Variants in GSE1 observed in about 807,000 individuals in gnomAD.
The protein encoded by GSE1 is Gse1 coiled-coil protein, also known as genetic suppressor element 1.
Under a neutral mutation model 112.6 loss-of-function variants are expected in GSE1, and 32 were observed. That is an observed-to-expected ratio of 0.28 (90% CI 0.21 to 0.38). The LOEUF (loss-of-function observed/expected upper bound fraction) is 0.38, where lower values mean the gene tolerates loss of function less well. GSE1 is among the 10% of genes least tolerant of loss of function. GSE1 has a pLI of 1.00. For missense variants in GSE1, 2,348 were observed against 1,699.2 expected, an observed-to-expected ratio of 1.38 and a Z score of -6.71; for synonymous variants, 1,115 against 735.6, an observed-to-expected ratio of 1.52 and a Z score of -8.35.
chr16:85,641,916 G>T (rs1022703317), intron 2 of GSE1, among the ~76,000 whole-genome samples: 5 of 152,200 alleles, frequency 3.3e-5, no homozygotes, highest in Non-Finnish European at 4.4e-5. Flanking sequence ...CCACAAGTCC[G>T]CCCAGGGCTG....
intron 1 of GSE1, among the ~76,000 whole-genome samples, chr16:85,568,432 C>T (rs1195225936): frequency 2.0e-5 from 3 of 152,194 alleles, no homozygotes; most frequent in African/African-American, 2.4e-5. Context: ...AAGATGGGCC[C>T]CTCACTGGAT....
At chr16:85,320,993 C>T (rs1411021167) in intron 1 of GSE1, among the ~76,000 whole-genome samples, 1 of 152,206 alleles carries the variant, frequency 6.6e-6, no homozygotes, top group Non-Finnish European at 1.5e-5. Context: ...TCTTATTTAG[C>T]GTGGCTTAGT....
At chr16:85,359,011 A>T (rs1193244778) in intron 2 of GSE1, among the ~76,000 whole-genome samples, 2 of 151,664 alleles carry the variant, frequency 1.3e-5, no homozygotes, top group African/African-American at 4.9e-5. Context: ...AGATGTGGGG[A>T]TTAACTCAGC....
chr16:85,498,159 T>C (rs1262789838), intron 2 of GSE1, among the ~76,000 whole-genome samples: 1 of 151,824 alleles, frequency 6.6e-6, no homozygotes, highest in Non-Finnish European at 1.5e-5. Context: ...CAGTGCACAC[T>C]CCCCCGTTTG....
At chr16:85,637,534 C>T (rs1330193027) in intron 2 of GSE1, among the ~76,000 whole-genome samples, 1 of 152,248 alleles carries the variant, frequency 6.6e-6, no homozygotes, top group African/African-American at 2.4e-5. Context: ...GTATTGAGTC[C>T]CCCCTTGATC....
At chr16:85,639,602 C>T (rs1180713630) in intron 2 of GSE1, among the ~76,000 whole-genome samples, 8 of 152,370 alleles carry the variant, frequency 5.3e-5, no homozygotes, top group South Asian at 2.1e-4. Context: ...CCCGAGGGTG[C>T]CCCGGGAACG....
Position 85,613,368 on chromosome 16 carries a change from G to C in GSE1, c.-24G>C, listed in dbSNP as rs899831595. The C allele has an allele frequency of 1.9e-6, 3 of 1,569,828 alleles. No individual in the cohort carries two copies. The African/African-American group carries it at 4.1e-5, about 21-fold the overall frequency. On this transcript the variant is annotated 5_prime_UTR_variant, in exon 1 of 16. Transcript: ENST00000253458. The stretch of plus-strand genomic sequence containing the variant: ...ACGGTGGCTCCAGCATGTATCAGCC[G>C]AGGTGGAGCTGCGGGGCCCTGGCAT...
intron 2 of GSE1, among the ~76,000 whole-genome samples, chr16:85,443,982 C>CT (rs67916368): frequency 0.5 from 38,501 of 76,762 alleles, 11,868 homozygotes; most frequent in Admixed American, 0.54. Flanking sequence ...CAAGGGGGCG[C>CT]TTTTTTTTTT....
intron 1 of GSE1, among the ~76,000 whole-genome samples, chr16:85,590,936 G>C (rs1198365290): frequency 7.0e-6 from 1 of 142,396 alleles, no homozygotes; most frequent in East Asian, 1.9e-4. Flanking sequence ...GACATGCGGT[G>C]GGGGGGACCA....
intron 2 of GSE1, among the ~76,000 whole-genome samples, chr16:85,542,954 G>A (rs995339274): frequency 2.0e-5 from 3 of 152,336 alleles, no homozygotes; most frequent in Non-Finnish European, 2.9e-5. Flanking sequence ...GTAGCCGGGC[G>A]TGGTGGCTCA....
intron 2 of GSE1, among the ~76,000 whole-genome samples, chr16:85,526,874 G>A (rs2052380663): frequency 6.6e-6 from 1 of 152,218 alleles, no homozygotes; most frequent in Non-Finnish European, 1.5e-5. Context: ...AGTGTATAAA[G>A]AACTAAACAT....
chr16:85,288,307 A>G (rs1385177592), intron 1 of GSE1, among the ~76,000 whole-genome samples: 1 of 152,216 alleles, frequency 6.6e-6, no homozygotes, highest in Non-Finnish European at 1.5e-5. Flanking sequence ...TTAAAAAATA[A>G]TTAGAGAGGC....
intron 2 of GSE1, among the ~76,000 whole-genome samples, chr16:85,474,409 G>A (rs1230363696): frequency 1.3e-5 from 2 of 152,134 alleles, no homozygotes; most frequent in Non-Finnish European, 2.9e-5. Flanking sequence ...AGCTGGAGGT[G>A]CACGGAGGGA....
intron 1 of GSE1, among the ~76,000 whole-genome samples, chr16:85,284,483 A>G (rs892323148): frequency 6.6e-6 from 1 of 152,148 alleles, no homozygotes; most frequent in African/African-American, 2.4e-5. Context: ...AAGCGGCACA[A>G]ACTCCCCAGG....
At chr16:85,351,172 A>C (rs1048176754) in intron 1 of GSE1, among the ~76,000 whole-genome samples, 1 of 152,146 alleles carries the variant, frequency 6.6e-6, no homozygotes, top group Non-Finnish European at 1.5e-5. Context: ...GGAGGCCGGG[A>C]GATGGAATCT....
intron 1 of GSE1, among the ~76,000 whole-genome samples, chr16:85,566,892 G>A (rs983440415): frequency 1.3e-5 from 2 of 152,332 alleles, no homozygotes; most frequent in East Asian, 1.9e-4. Flanking sequence ...TGGAGGGGCC[G>A]CAGCGGAAGG....
intron 2 of GSE1, among the ~76,000 whole-genome samples, chr16:85,472,052 A>G (rs1306084949): frequency 6.6e-6 from 1 of 152,176 alleles, no homozygotes; most frequent in African/African-American, 2.4e-5. Context: ...TCCTCTGCTC[A>G]CGAGATACCA....
At chr16:85,439,561 C>G (rs2049328555) in intron 2 of GSE1, among the ~76,000 whole-genome samples, 1 of 151,622 alleles carries the variant, frequency 6.6e-6, no homozygotes, top group South Asian at 2.1e-4. Flanking sequence ...CACACACACC[C>G]CAGGCGTCAC....
At chr16:85,617,633 A>C (rs1317723372) in intron 1 of GSE1, among the ~76,000 whole-genome samples, 1 of 118,282 alleles carries the variant, frequency 8.5e-6, no homozygotes, top group Non-Finnish European at 1.7e-5. Flanking sequence ...CGTGCAGCCC[A>C]AGCTGAGACC....
Sources: gnomAD v4.1 joint callset for allele counts (sites outside exome capture counted in the v4.1 genomes callset) on GRCh38, gnomAD v4.1.1 for gene constraint, MANE v1.5 for transcripts, NCBI Gene and HGNC (gene_info 2026-07-23, HGNC 2026-07-21) for gene names.